The following THSD7A variants were observed in gnomAD, a reference collection of about 807,000 sequenced individuals.
THSD7A encodes thrombospondin type 1 domain containing 7A.
THSD7A carries 96 observed loss-of-function variants against 231.3 expected under a neutral mutation model. The observed-to-expected ratio is 0.41, with a 90% CI of 0.35 to 0.49. The LOEUF (loss-of-function observed/expected upper bound fraction) is 0.49, where lower values mean the gene tolerates loss of function less well. Ranked by LOEUF, THSD7A falls within the 20% of genes least tolerant of loss-of-function variation. The pLI, the probability that THSD7A is intolerant of heterozygous loss-of-function variation, is 0.05. For synonymous variants in THSD7A, 940 were observed against 743.3 expected, an observed-to-expected ratio of 1.26 and a Z score of -4.30; for missense variants, 2,290 against 2,070.2, an observed-to-expected ratio of 1.11 and a Z score of -2.06.
At chr7:11,707,077 A>G (rs1726447022) in intron 1 of THSD7A, among the ~76,000 whole-genome samples, 1 of 150,810 alleles carries the variant, frequency 6.6e-6, no homozygotes, top group African/African-American at 2.4e-5. Flanking sequence ...TTCCAAAATG[A>G]TTTCACCATT....
At chr7:11,718,550 A>G (rs953569129) in intron 1 of THSD7A, among the ~76,000 whole-genome samples, 2 of 151,674 alleles carry the variant, frequency 1.3e-5, no homozygotes, top group Non-Finnish European at 3.0e-5. Flanking sequence ...CTACCATTAA[A>G]CAGTGTACAA....
At chr7:11,628,821 T>G (rs2128356770) in intron 2 of THSD7A, among the ~76,000 whole-genome samples, 1 of 152,320 alleles carries the variant, frequency 6.6e-6, no homozygotes, top group Admixed American at 6.5e-5. Context: ...GACACCGTAC[T>G]TTAACATAGC....
chr7:11,584,255 C>T (rs950463553), intron 4 of THSD7A, among the ~76,000 whole-genome samples: 6 of 151,926 alleles, frequency 3.9e-5, no homozygotes, highest in African/African-American at 1.5e-4. Flanking sequence ...TCATTTAAAA[C>T]AACATTGGAA....
At chr7:11,456,006 G>C (rs1244694926) in intron 11 of THSD7A, among the ~76,000 whole-genome samples, 2 of 151,974 alleles carry the variant, frequency 1.3e-5, no homozygotes, top group Non-Finnish European at 2.9e-5. Flanking sequence ...AGTAGGTGCA[G>C]GCCTAGGAGG....
chr7:11,480,955 A>C (rs1001306206), intron 7 of THSD7A, among the ~76,000 whole-genome samples: 21 of 152,184 alleles, frequency 1.4e-4, no homozygotes, highest in African/African-American at 5.1e-4. Context: ...GATAATGTTT[A>C]AATAACATAC....
At position 11,469,982 on chromosome 7, in the gene THSD7A, G is replaced by T. The variant is rs202131463; in HGVS notation, c.2265C>A (p.Ser755Arg). 9.5e-6 allele frequency: 15 copies of T among 1,587,114 alleles called. No homozygotes were observed. The highest frequency in any genetic ancestry group is 1.7e-4 in the Middle Eastern group (1 of 6,012). Residue 755 changes from serine (S) to arginine (R), a missense_variant, in exon 9 of 28, where the codon AGC becomes AGA. Ser to Arg is a moderately radical substitution (Grantham distance 110, BLOSUM62 -1). Coordinates refer to ENST00000423059, the MANE Select transcript of THSD7A (RefSeq NM_015204.3). ...GQVGPKKCPE[S>R]LRPETVRPCL... ...AAGGCCTTACAGTTTCAGGTCGAAG[G>T]CTTTCAGGACATCTAGAAAGGCAAA...
chr7:11,447,084 T>C (rs1340508150), intron 12 of THSD7A, 146 bp downstream of exon 12: 1 of 784,184 alleles, frequency 1.3e-6, no homozygotes, highest in South Asian at 1.9e-5. Context: ...ATAATGCTTT[T>C]ATCACTGCCA....
At chr7:11,581,191 TATTATC>T (rs916244025) in intron 4 of THSD7A, among the ~76,000 whole-genome samples, 3 of 152,074 alleles carry the variant, frequency 2.0e-5, no homozygotes, top group African/African-American at 7.2e-5. Flanking sequence ...TTAATATTGT[TATTATC>T]ATTATCATCA....
chr7:11,595,793 G>A (rs1780339485), intron 2 of THSD7A, among the ~76,000 whole-genome samples: 1 of 152,310 alleles, frequency 6.6e-6, no homozygotes, highest in East Asian at 1.9e-4. Flanking sequence ...AATACAATGA[G>A]AATAATTGGA....
At position 11,686,265 on chromosome 7, in the gene THSD7A, A is replaced by G. The variant is rs535167080; in HGVS notation, c.191-49304T>C. 3.9e-5 allele frequency among the ~76,000 whole-genome samples: 6 copies of G among 151,930 alleles called. No homozygotes were observed. In the South Asian group the frequency reaches 1.2e-3, roughly 31 times the overall value. Reference sequence around the variant, plus strand: ...ATTCACTATTTGGGTGATAAGATCAATAGAATCCCAAACCTCCTGCACCAC... The same window carrying G: ...ATTCACTATTTGGGTGATAAGATCAGTAGAATCCCAAACCTCCTGCACCAC... On this transcript the variant is annotated intron_variant, in intron 1 of 27. Coordinates refer to ENST00000423059, the MANE Select transcript of THSD7A (RefSeq NM_015204.3).
chr7:11,531,702 T>C (rs546696783), intron 6 of THSD7A, among the ~76,000 whole-genome samples: 3 of 152,162 alleles, frequency 2.0e-5, no homozygotes, highest in Admixed American at 1.3e-4. Flanking sequence ...GTTGGAAAAA[T>C]TGGAAGAGAA....
At chr7:11,488,753 T>A (rs1404077236) in intron 6 of THSD7A, among the ~76,000 whole-genome samples, 1 of 152,112 alleles carries the variant, frequency 6.6e-6, no homozygotes, top group African/African-American at 2.4e-5. Context: ...GAAAACCAAC[T>A]TCCTCACTAG....
intron 1 of THSD7A, among the ~76,000 whole-genome samples, chr7:11,676,809 T>C (rs1584194076): frequency 6.6e-6 from 1 of 152,112 alleles, no homozygotes; most frequent in African/African-American, 2.4e-5. Flanking sequence ...TACTTGAAAG[T>C]GACGGGGAGA....
chr7:11,804,773 G>C (rs539411047), intron 1 of THSD7A, among the ~76,000 whole-genome samples: 3 of 152,048 alleles, frequency 2.0e-5, no homozygotes, highest in Non-Finnish European at 4.4e-5. Context: ...CACTTCCATT[G>C]TTTGCTTAAT....
chr7:11,609,717 GATA>G (rs1167620694), intron 2 of THSD7A, among the ~76,000 whole-genome samples: 1 of 152,140 alleles, frequency 6.6e-6, no homozygotes, highest in Non-Finnish European at 1.5e-5. Context: ...AGTACTCCTA[GATA>G]CTCATCACAG....
intron 1 of THSD7A, among the ~76,000 whole-genome samples, chr7:11,667,411 G>C (rs892835995): frequency 6.6e-6 from 1 of 151,990 alleles, no homozygotes; most frequent in Non-Finnish European, 1.5e-5. Context: ...CAACACGAGC[G>C]TTTGTACTTT....
At chr7:11,558,533 T>G (rs1468073334) in intron 4 of THSD7A, among the ~76,000 whole-genome samples, 2 of 152,078 alleles carry the variant, frequency 1.3e-5, no homozygotes, top group Non-Finnish European at 2.9e-5. Context: ...TAGAATTGCA[T>G]ATCCAGGGAT....
At position 11,637,681 on chromosome 7, in the gene THSD7A, T is replaced by C. The variant is rs755486650; in HGVS notation, c.191-720A>G. On this transcript the variant is annotated intron_variant, in intron 1 of 27. Coordinates refer to ENST00000423059, the MANE Select transcript of THSD7A (RefSeq NM_015204.3). This position sits in a 1 kb window ranked among gnomAD's most constrained non-coding sequence, Gnocchi z 4.2. ...AATTTTCTAATCATTGAGAGGTTAT[T>C]TGGGGTCTTATTTATTTATTCATTT... Among the ~76,000 whole-genome samples the C allele has an allele frequency of 5.9e-5, 9 of 152,192 alleles. No homozygotes were observed. The highest frequency in any genetic ancestry group is 3.2e-3 in the Middle Eastern group (1 of 316).
intron 1 of THSD7A, among the ~76,000 whole-genome samples, chr7:11,643,555 CATA>C (rs1010301500): frequency 6.6e-6 from 1 of 151,660 alleles, no homozygotes; most frequent in African/African-American, 2.4e-5. Context: ...TTTTTTACTT[CATA>C]ATGTGCTATA....
Sources: gnomAD v4.1 joint callset for allele counts (sites outside exome capture counted in the v4.1 genomes callset) on GRCh38, gnomAD v4.1.1 for gene constraint, Gnocchi (gnomAD v3.1) non-coding constraint, MANE v1.5 for transcripts, NCBI Gene and HGNC (gene_info 2026-07-23, HGNC 2026-07-21) for gene names.